The following IL17REL variants were observed in gnomAD, a reference collection of about 807,000 sequenced individuals.
The protein encoded by IL17REL is interleukin 17 receptor E like.
Under a neutral mutation model 49.0 loss-of-function variants are expected in IL17REL, and 36 were observed. That is an observed-to-expected ratio of 0.73 (90% confidence interval 0.56 to 0.97). IL17REL has a LOEUF of 0.97. IL17REL is among the 50% of genes least tolerant of loss of function. IL17REL has a pLI of 0.00. For missense variants in IL17REL, 470 were observed against 453.9 expected (o/e 1.04, Z -0.32); for synonymous variants, 206 against 192.4 (o/e 1.07, Z -0.58).
chr22:50,000,531 C>T, exon 4 of IL17REL: 2 of 1,613,640 alleles, frequency 1.2e-6, no homozygotes, highest in East Asian at 2.2e-5. Flanking sequence ...AGGGATGGTC[C>T]TCAGGGTGAC....
Position 50,000,807 on chromosome 22 carries a change from A to G in IL17REL, c.166T>C (p.Cys56Arg). The G allele has an allele frequency of 1.2e-6, 2 of 1,604,236 alleles. No individual in the cohort carries two copies. Among genetic ancestry groups the G allele is most frequent in the Non-Finnish European group, 1.7e-6 (2 of 1,178,152 alleles). ...GCCCTGGCCACCCACACGCTCTGAC[A>G]CTGCGTCTCCTGGGTGTCCAGGCTC... Residue 56 changes from cysteine to arginine, a missense_variant, in exon 3 of 13, where the codon TGT becomes CGT. Cys to Arg is a radical substitution (Grantham distance 180). Transcript: ENST00000341280.
chr22:50,008,263 G>C lies in IL17REL; in HGVS notation c.-42+374C>G, dbSNP rs576886998. On this transcript the variant is annotated intron_variant, in intron 1 of 12. Transcript: ENST00000341280. ...ATAAATAGATACGCTGTTTAACAAA[G>C]ACAAGGTAGTTGTTAAAGGCCCAGT... 4.6e-5 allele frequency among the ~76,000 whole-genome samples: 7 copies of C among 152,336 alleles called. No individual in the cohort carries two copies. The South Asian group carries it at 8.3e-4, about 18-fold the overall frequency.
Position 49,998,195 on chromosome 22 carries a change from G to A in IL17REL, c.716C>T (p.Pro239Leu), listed in dbSNP as rs145805898. Reference sequence around the variant, plus strand: ...CTTACGGCAGCCGGCCCCCGGCCCCGGGCGCCAGCACAGGCTCACATGGCC... The same window carrying A: ...CTTACGGCAGCCGGCCCCCGGCCCCAGGCGCCAGCACAGGCTCACATGGCC... Residue 239 changes from proline to leucine, a missense_variant, in exon 8 of 13, where the codon CCG (proline) becomes CTG (leucine). Physicochemically the swap from Pro to Leu is moderately conservative, Grantham distance 98 (BLOSUM62 -3). Transcript: ENST00000341280. The A allele has an allele frequency of 4.0e-5, 65 of 1,611,352 alleles. 1 individual carries two copies. The highest frequency in any genetic ancestry group is 3.2e-4 in the South Asian group (29 of 90,988).
At chr22:49,993,170 G>C (rs1218571505), downstream of IL17REL, among the ~76,000 whole-genome samples, 1 of 152,238 alleles carries the variant, frequency 6.6e-6, no homozygotes, top group Non-Finnish European at 1.5e-5. This position sits in a 1 kb window ranked among gnomAD's most constrained non-coding sequence, Gnocchi z 6.0. Flanking sequence ...CAGGGCCCGG[G>C]ATCTTTGCCA....
At chr22:50,010,989 C>T (rs1244842818), upstream of IL17REL, among the ~76,000 whole-genome samples, 2 of 144,578 alleles carry the variant, frequency 1.4e-5, no homozygotes, top group African/African-American at 2.6e-5. Context: ...AGCCTCCCGC[C>T]GTCACCCGCG....
At chr22:50,003,382 G>A (rs1337615671) in intron 1 of IL17REL, among the ~76,000 whole-genome samples, 1 of 151,978 alleles carries the variant, frequency 6.6e-6, no homozygotes, top group African/African-American at 2.4e-5. Flanking sequence ...TTAGCCAGAT[G>A]TGGTGGCTCA....
chr22:50,001,324 C>T, intron 1 of IL17REL, 93 bp from the exon 3 acceptor site: 1 of 571,860 alleles, frequency 1.7e-6, no homozygotes, highest in Non-Finnish European at 3.0e-6. Context: ...AGCCCTGGGG[C>T]TGCAGTCTTT....
rs2061048136 is a variant in IL17REL, at chr22:49,998,087, C to T, written c.775-18G>A. 1 of 1,591,870 alleles carries T rather than the reference C, an allele frequency of 6.3e-7. No individual in the cohort carries two copies. The highest frequency in any genetic ancestry group is 8.5e-7 in the Non-Finnish European group (1 of 1,170,456). On this transcript the variant is annotated intron_variant, in intron 8 of 12. Transcript: ENST00000341280. The stretch of plus-strand genomic sequence containing the variant: ...TACTGCACCTGAGGAGGGCTGGGGT[C>T]AGGCTGTGGCATCCATGCCCACCCC...
chr22:50,004,024 A>G (rs1170908627), intron 1 of IL17REL, among the ~76,000 whole-genome samples: 1 of 152,230 alleles, frequency 6.6e-6, no homozygotes, highest in Non-Finnish European at 1.5e-5. Context: ...GTTGCAGAAT[A>G]CAAGATCAAT....
exon 12 of IL17REL, chr22:49,997,068 G>A: frequency 6.4e-7 from 1 of 1,568,434 alleles, no homozygotes; most frequent in Non-Finnish European, 8.6e-7. Flanking sequence ...GCGGCTGCCA[G>A]GTCACCCTGG....
chr22:49,997,331 G>A (rs755595374), exon 11 of IL17REL: 1 of 1,613,434 alleles, frequency 6.2e-7, no homozygotes, highest in African/African-American at 1.3e-5. Flanking sequence ...GAGGCTGAAG[G>A]GAGCGGGCTG....
intron 5 of IL17REL, 21 bp downstream of exon 7, chr22:49,999,807 G>A: frequency 1.3e-6 from 2 of 1,486,636 alleles, no homozygotes; most frequent in Non-Finnish European, 9.0e-7. Context: ...GCTGACCGGG[G>A]CCCGGGGCGC....
At chr22:50,011,605 C>T (rs1021732574), upstream of IL17REL, among the ~76,000 whole-genome samples, 8 of 152,090 alleles carry the variant, frequency 5.3e-5, no homozygotes, top group African/African-American at 1.9e-4. Flanking sequence ...TTTCCATCTC[C>T]ACTGCAGGGT....
Position 49,999,511 on chromosome 22 carries a change from C to T in IL17REL, c.475-9G>A, listed in dbSNP as rs1428172103. 1.3e-6 allele frequency: 2 copies of T among 1,596,742 alleles called. No individual in the cohort carries two copies. Among genetic ancestry groups the T allele is most frequent in the Non-Finnish European group, 1.7e-6 (2 of 1,174,082 alleles). On this transcript the variant is annotated splice_polypyrimidine_tract_variant and intron_variant, in intron 5 of 12. Transcript: ENST00000341280. ...ACGCTGTTGGCGGTCACCTGCAACC[C>T]AGAAAGGGCGGCTGAGGGGCCGCGC... is the stretch of plus-strand genomic sequence containing the variant.
intron 1 of IL17REL, among the ~76,000 whole-genome samples, chr22:50,006,424 G>A (rs1170292279): frequency 6.6e-6 from 1 of 152,062 alleles, no homozygotes; most frequent in Non-Finnish European, 1.5e-5. Context: ...CTGGGACGTT[G>A]AGCCGCTGAA....
intron 11 of IL17REL, 107 bp from the exon 14 acceptor site, chr22:49,997,181 C>G: frequency 7.2e-7 from 1 of 1,386,310 alleles, no homozygotes; most frequent in Non-Finnish European, 1.0e-6. Context: ...GGCTGGCCTC[C>G]CATCCCTCCC....
At chr22:49,993,280 C>T (rs748956671), downstream of IL17REL, among the ~76,000 whole-genome samples, 20 of 152,222 alleles carry the variant, frequency 1.3e-4, no homozygotes, top group Non-Finnish European at 2.8e-4. This position sits in a 1 kb window ranked among gnomAD's most constrained non-coding sequence, Gnocchi z 6.0. Context: ...AAGGCTCACC[C>T]GTGTTATACT....
intron 1 of IL17REL, among the ~76,000 whole-genome samples, chr22:50,005,948 CAT>C (rs1490904568): frequency 1.3e-5 from 2 of 151,980 alleles, no homozygotes; most frequent in African/African-American, 4.8e-5. Flanking sequence ...GAGAAAAAAA[CAT>C]ATGTTTTTTT....
In IL17REL at chr22:49,999,290, C is replaced by A. The variant is rs2061059059; in HGVS notation, c.601+1G>T. 5 of 1,613,018 alleles carry A rather than the reference C, an allele frequency of 3.1e-6. No individual in the cohort carries two copies. Among genetic ancestry groups the A allele is most frequent in the African/African-American group, 1.3e-5 (1 of 75,040 alleles). On this transcript the variant is annotated splice_donor_variant, in intron 7 of 12. Coordinates refer to ENST00000341280, the Ensembl canonical transcript of IL17REL. LOFTEE classifies it high-confidence loss of function. ...GCCCGTTGGCATCGCAGGACACTTG[C>A]CGTTTTCAAAGGGGCAGATCTGGAT...
Sources: gnomAD v4.1 joint callset for allele counts (sites outside exome capture counted in the v4.1 genomes callset) on GRCh38, gnomAD v4.1.1 for gene constraint, Gnocchi (gnomAD v3.1) non-coding constraint, MANE v1.5 for transcripts, NCBI Gene and HGNC (gene_info 2026-07-23, HGNC 2026-07-21) for gene names.